Variants in OR2L13 observed in about 807,000 individuals in gnomAD.
The protein encoded by OR2L13 is olfactory receptor family 2 subfamily L member 13.
Under a neutral mutation model 15.3 loss-of-function variants are expected in OR2L13, and 14 were observed. The observed-to-expected ratio is 0.91, with a 90% CI of 0.60 to 1.43. The LOEUF (loss-of-function observed/expected upper bound fraction) is 1.43. Among genes scored for constraint, OR2L13 ranks in the 40% most tolerant of loss-of-function variants. The pLI, the probability that OR2L13 is intolerant of heterozygous loss-of-function variation, is 0.00. For synonymous variants in OR2L13, 152 were observed against 142.9 expected (o/e 1.06, Z -0.45); for missense variants, 367 against 387.9 (o/e 0.95, Z 0.45).
chr1:248,010,763 G>GTTTTTTTTT, the OR2L13 span, among the ~76,000 whole-genome samples: 74 of 44,478 alleles, frequency 1.7e-3, 1 homozygote, highest in African/African-American at 4.7e-3. Context: ...CTTTGTTGTT[G>GTTTTTTTTT]TTTTTTTTTT....
chr1:248,084,664 C>G, the OR2L13 span: 22 of 1,516,094 alleles, frequency 1.5e-5, no homozygotes, highest in South Asian at 2.9e-4. Flanking sequence ...ATCTGAATAA[C>G]GAGCTAACTT....
chr1:247,969,978 C>T, the OR2L13 span, among the ~76,000 whole-genome samples: 4 of 152,130 alleles, frequency 2.6e-5, no homozygotes, highest in Admixed American at 2.0e-4. Context: ...TTTCACTTCC[C>T]GGCCAACTCC....
chr1:248,017,761 GA>G, the OR2L13 span, among the ~76,000 whole-genome samples: 2 of 152,124 alleles, frequency 1.3e-5, no homozygotes, highest in African/African-American at 4.8e-5. Flanking sequence ...CTCCTAGTGG[GA>G]TGGAGTTCTG....
At chr1:247,963,820 A>G in the OR2L13 span, among the ~76,000 whole-genome samples, 1 of 152,132 alleles carries the variant, frequency 6.6e-6, no homozygotes, top group African/African-American at 2.4e-5. Context: ...ATATATGACC[A>G]TATATTATTT....
At chr1:247,957,156 G>C in the OR2L13 span, among the ~76,000 whole-genome samples, 3 of 132,506 alleles carry the variant, frequency 2.3e-5, no homozygotes, top group African/African-American at 7.7e-5. Flanking sequence ...TAGCATGAAC[G>C]TTGTTGAATT....
At chr1:248,058,033 G>A in the OR2L13 span, among the ~76,000 whole-genome samples, 114 of 152,222 alleles carry the variant, frequency 7.5e-4, no homozygotes, top group Middle Eastern at 3.4e-3. Context: ...GTGGACTTCC[G>A]TGTCTTGTTG....
chr1:247,958,132 G>A, the OR2L13 span, among the ~76,000 whole-genome samples: 2,012 of 152,092 alleles, frequency 0.013, 35 homozygotes, highest in African/African-American at 0.044. Context: ...AGAGATTCTG[G>A]TATGTTGTGT....
upstream of OR2L13, among the ~76,000 whole-genome samples, chr1:248,096,034 T>C (rs1279411192): frequency 6.6e-6 from 1 of 152,080 alleles, no homozygotes; most frequent in South Asian, 2.1e-4. Flanking sequence ...TGTTTTCCTA[T>C]CATCAGGAAA....
chr1:248,050,362 T>C, the OR2L13 span, among the ~76,000 whole-genome samples: 1 of 152,120 alleles, frequency 6.6e-6, no homozygotes, highest in Non-Finnish European at 1.5e-5. Context: ...GGGCCAGAAA[T>C]AATCCATTTG....
upstream of OR2L13, among the ~76,000 whole-genome samples, chr1:248,096,557 A>G (rs753605170): frequency 4.6e-5 from 7 of 152,184 alleles, no homozygotes; most frequent in Non-Finnish European, 4.4e-5. Context: ...GGACAGTGAC[A>G]ATTACTAAGG....
the OR2L13 span, among the ~76,000 whole-genome samples, chr1:248,086,082 T>C: frequency 6.6e-6 from 1 of 152,224 alleles, no homozygotes; most frequent in African/African-American, 2.4e-5. Flanking sequence ...TTTTAAGCCA[T>C]AGTGCATATT....
the OR2L13 span, among the ~76,000 whole-genome samples, chr1:247,972,747 A>G: frequency 1.2e-4 from 18 of 152,238 alleles, no homozygotes; most frequent in Non-Finnish European, 2.2e-4. Flanking sequence ...AACAATAGAA[A>G]AAGAGGAACT....
the OR2L13 span, chr1:248,038,152 C>T: frequency 5.6e-5 from 40 of 714,008 alleles, no homozygotes; most frequent in Non-Finnish European, 9.3e-5. Flanking sequence ...TCAGTATCAA[C>T]CCCAGTTTCA....
the OR2L13 span, among the ~76,000 whole-genome samples, chr1:247,967,280 G>A: frequency 1.3e-5 from 2 of 151,988 alleles, no homozygotes; most frequent in Admixed American, 6.6e-5. Context: ...CCAGGCTGGA[G>A]TGCAGTGGCT....
chr1:247,991,815 G>A, the OR2L13 span, among the ~76,000 whole-genome samples: 19 of 149,552 alleles, frequency 1.3e-4, 1 homozygote, highest in Non-Finnish European at 2.4e-4. Flanking sequence ...AAGGATCAAC[G>A]TTATTTTCAT....
the OR2L13 span, chr1:248,061,465 A>G: frequency 6.2e-7 from 1 of 1,614,014 alleles, no homozygotes; most frequent in Non-Finnish European, 8.5e-7. Context: ...TCTACGTCCA[A>G]GATCCCTGCG....
chr1:248,005,479 T>C, the OR2L13 span, among the ~76,000 whole-genome samples: 5,652 of 152,240 alleles, frequency 0.037, 314 homozygotes, highest in African/African-American at 0.13. Context: ...GTTTGGTACT[T>C]TTATGCCTCC....
upstream of OR2L13, among the ~76,000 whole-genome samples, chr1:248,091,963 C>T (rs12037329): frequency 0.14 from 21,955 of 151,994 alleles, 2,964 homozygotes; most frequent in African/African-American, 0.36. Context: ...CTCTCCAATT[C>T]CTTTGATCAG....
At chr1:248,082,553 A>G in the OR2L13 span, among the ~76,000 whole-genome samples, 3 of 152,250 alleles carry the variant, frequency 2.0e-5, no homozygotes, top group East Asian at 5.8e-4. Context: ...TACAGGAAAT[A>G]TAGCCTTTAT....
Sources: gnomAD v4.1 joint callset for allele counts (sites outside exome capture counted in the v4.1 genomes callset) on GRCh38, gnomAD v4.1.1 for gene constraint, MANE v1.5 for transcripts, NCBI Gene and HGNC (gene_info 2026-07-23, HGNC 2026-07-21) for gene names.